CLRN1: variants seen among roughly 807,000 people sequenced by gnomAD.
CLRN1 encodes clarin 1, also known as clarin-1.
Under a neutral mutation model 18.7 loss-of-function variants are expected in CLRN1, and 15 were observed. The ratio of observed to expected loss-of-function variants is 0.80; its 90% CI spans 0.54 to 1.23. The LOEUF (loss-of-function observed/expected upper bound fraction) is 1.23, where lower values mean the gene tolerates loss of function less well. Ranked by LOEUF, CLRN1 falls within the 50% of genes most tolerant of loss-of-function variation. The probability of loss-of-function intolerance (pLI) is 0.00; values close to 1 mark genes in which losing one functional copy is unlikely to be tolerated. For synonymous variants in CLRN1, 104 were observed against 102.9 expected, an observed-to-expected ratio of 1.01 and a Z score of -0.07; for missense variants, 311 against 277.5, an observed-to-expected ratio of 1.12 and a Z score of -0.86.
chr3:150,928,023 G>T lies in CLRN1; in HGVS notation c.612C>A (p.Leu204=). The change falls in exon 3 of 3, where the codon CTC becomes CTA. Residue 204 remains leucine, a synonymous_variant. Transcript: ENST00000327047. ...FCFFVHFLNG[L]LIRLAGFQFP... The stretch of plus-strand genomic sequence containing the variant: ...ACTGAAATCCAGCAAGTCGTATTAG[G>T]AGCCCATTCAGAAAATGAACAAAAA... The T allele has an allele frequency of 6.2e-7, 1 of 1,614,124 alleles. No homozygotes were observed. Among genetic ancestry groups the T allele is most frequent in the Non-Finnish European group, 8.5e-7 (1 of 1,180,028 alleles).
intron 1 of CLRN1, among the ~76,000 whole-genome samples, chr3:150,968,641 G>A (rs1159309266): frequency 6.6e-6 from 1 of 152,128 alleles, no homozygotes. Context: ...TCATTCTCAT[G>A]TTATGCCATA....
chr3:150,931,367 G>T (rs1397538064), intron 2 of CLRN1, among the ~76,000 whole-genome samples: 1 of 152,184 alleles, frequency 6.6e-6, no homozygotes, highest in African/African-American at 2.4e-5. Flanking sequence ...CACATTTAGA[G>T]GGTTCTGCTC....
At chr3:150,949,239 A>T (rs1714350112) in intron 1 of CLRN1, among the ~76,000 whole-genome samples, 1 of 152,068 alleles carries the variant, frequency 6.6e-6, no homozygotes, top group Non-Finnish European at 1.5e-5. Context: ...ATGACAAACC[A>T]CCACAAACAT....
chr3:150,960,376 C>T (rs1316131557), intron 1 of CLRN1, among the ~76,000 whole-genome samples: 2 of 152,124 alleles, frequency 1.3e-5, no homozygotes, highest in East Asian at 1.9e-4. Context: ...AGGGATTTGG[C>T]CCATGGGTGG....
chr3:150,943,984 A>G (rs1461174400), intron 1 of CLRN1: 2 of 1,352,896 alleles, frequency 1.5e-6, no homozygotes, highest in Non-Finnish European at 2.1e-6. Context: ...AGGGGTCAAG[A>G]AAATAGCCTG....
intron 1 of CLRN1, among the ~76,000 whole-genome samples, chr3:150,946,801 G>C (rs1012662015): frequency 6.7e-6 from 1 of 148,256 alleles, no homozygotes; most frequent in South Asian, 2.1e-4. Context: ...CATTGTGCAG[G>C]TTAGTTACAT....
At position 150,929,984 on chromosome 3, in the gene CLRN1, A is replaced by C. The variant is rs149387194; in HGVS notation, c.434-1783T>G. 4.1e-3 allele frequency among the ~76,000 whole-genome samples: 624 copies of C among 152,348 alleles called. 5 individuals carry two copies. The highest frequency in any genetic ancestry group is 0.014 in the African/African-American group (574 of 41,586). On this transcript the variant is annotated intron_variant, in intron 2 of 2. Transcript: ENST00000327047. ...AACATAATGGCTTGAGTTTCTATTC[A>C]TTAATTCACTCATTCATTTATTCTC... is the stretch of plus-strand genomic sequence containing the variant.
At chr3:150,971,381 G>T (rs1030051264) in intron 1 of CLRN1, among the ~76,000 whole-genome samples, 2 of 152,130 alleles carry the variant, frequency 1.3e-5, no homozygotes, top group African/African-American at 2.4e-5. Context: ...TGAGCTGAAG[G>T]TTGGTGTCCA....
chr3:150,963,394 ACTG>A (rs1237445589), intron 1 of CLRN1, among the ~76,000 whole-genome samples: 6 of 152,148 alleles, frequency 3.9e-5, no homozygotes, highest in African/African-American at 1.2e-4. Flanking sequence ...ACTACAAACT[ACTG>A]CTCAAGGAAA....
chr3:150,947,798 G>A (rs1433959289), intron 1 of CLRN1, among the ~76,000 whole-genome samples: 1 of 152,198 alleles, frequency 6.6e-6, no homozygotes, highest in Non-Finnish European at 1.5e-5. Flanking sequence ...GTTCCTGAAT[G>A]ACTTTGGATA....
chr3:150,960,358 T>G (rs927563678), intron 1 of CLRN1, among the ~76,000 whole-genome samples: 5 of 151,896 alleles, frequency 3.3e-5, no homozygotes, highest in Admixed American at 2.6e-4. Flanking sequence ...TCACTGAGGG[T>G]GGGTAAGAGG....
chr3:150,944,867 C>T (rs1714083690), intron 1 of CLRN1, among the ~76,000 whole-genome samples: 1 of 152,140 alleles, frequency 6.6e-6, no homozygotes, highest in Admixed American at 6.5e-5. Context: ...GGCTTGGGCC[C>T]CAGGATGGGA....
At chr3:150,957,050 T>G (rs1714773610) in intron 1 of CLRN1, among the ~76,000 whole-genome samples, 1 of 152,170 alleles carries the variant, frequency 6.6e-6, no homozygotes, top group Non-Finnish European at 1.5e-5. Context: ...TTCCCTTTAT[T>G]CTTAGTGAAA....
At position 150,953,699 on chromosome 3, in the gene CLRN1, G is replaced by C. The variant is rs149250052; in HGVS notation, c.254-11938C>G. Among the ~76,000 whole-genome samples, 686 of 152,124 alleles carry C rather than the reference G, an allele frequency of 4.5e-3. 4 individuals are homozygous for C. The highest frequency in any genetic ancestry group is 0.015 in the African/African-American group (641 of 41,498). On this transcript the variant is annotated intron_variant, in intron 1 of 2. Coordinates refer to ENST00000327047, the MANE Select transcript of CLRN1 (RefSeq NM_174878.3). ...AGCCCAGCTAATTTTTGTATTTTTA[G>C]TAGAGACAGGGTTTCACCATGTTGA...
chr3:150,972,563 G>A lies in CLRN1; in HGVS notation c.146C>T (p.Ala49Val), dbSNP rs763929688. The stretch of plus-strand genomic sequence containing the variant: ...AAACTTGTCCAGCTCCTGCCCTGAG[G>A]CATTGACGAGCAGAGCTCCCGTTTT... Reference protein sequence around the residue: ...LCKTGALLVNASGQELDKFMG... With the variant: ...LCKTGALLVNVSGQELDKFMG... The change falls in exon 1 of 3, where the codon GCC becomes GTC. Residue 49 changes from alanine (A) to valine (V), a missense_variant. Transcript: ENST00000327047. 1 of 1,614,152 alleles carries A rather than the reference G, an allele frequency of 6.2e-7. No homozygotes were observed.
intron 1 of CLRN1, among the ~76,000 whole-genome samples, chr3:150,960,456 G>T (rs1047474990): frequency 1.3e-5 from 2 of 152,158 alleles, no homozygotes; most frequent in Admixed American, 6.5e-5. Context: ...GTGGAATTCA[G>T]GCAAACTTTC....
intron 1 of CLRN1, chr3:150,944,146 A>G (rs1208690330): frequency 2.3e-5 from 10 of 433,468 alleles, no homozygotes; most frequent in Admixed American, 6.9e-5. Flanking sequence ...CACCCTTTAA[A>G]GATCTACAGA....
At chr3:150,951,767 C>G (rs953299211) in intron 1 of CLRN1, among the ~76,000 whole-genome samples, 1 of 152,066 alleles carries the variant, frequency 6.6e-6, no homozygotes, top group Admixed American at 6.6e-5. Context: ...AAGCGGGAGC[C>G]AACACTTCAC....
At chr3:150,963,070 C>T (rs1283332929) in intron 1 of CLRN1, among the ~76,000 whole-genome samples, 1 of 152,094 alleles carries the variant, frequency 6.6e-6, no homozygotes, top group African/African-American at 2.4e-5. Context: ...CCAGGGCAAA[C>T]AGGCAAGAGA....
Sources: gnomAD v4.1 joint callset for allele counts (sites outside exome capture counted in the v4.1 genomes callset) on GRCh38, gnomAD v4.1.1 for gene constraint, MANE v1.5 for transcripts, NCBI Gene and HGNC (gene_info 2026-07-23, HGNC 2026-07-21) for gene names.